Variants in CFAP54 observed in about 807,000 individuals in gnomAD.
CFAP54 encodes cilia- and flagella-associated protein 54.
In CFAP54, 290 loss-of-function variants were observed where a neutral mutation model predicts 370.4. The observed-to-expected ratio is 0.78, with a 90% CI of 0.71 to 0.86. CFAP54 has a LOEUF of 0.86. CFAP54 is among the 40% of genes least tolerant of loss of function. CFAP54 has a pLI of 0.00. For synonymous variants in CFAP54, 1,206 were observed against 1,236.5 expected (o/e 0.98, Z 0.52); for missense variants, 3,399 against 3,528.7 (o/e 0.96, Z 0.93).
intron 32 of CFAP54, among the ~76,000 whole-genome samples, chr12:96,641,427 A>C (rs1481263987): frequency 6.6e-6 from 1 of 152,050 alleles, no homozygotes; most frequent in Non-Finnish European, 1.5e-5. Flanking sequence ...GTCAGGAAAC[A>C]AGAGGTGCTG....
chr12:96,831,948 C>G (rs1404784299), intron 66 of CFAP54, among the ~76,000 whole-genome samples: 9 of 152,150 alleles, frequency 5.9e-5, no homozygotes, highest in African/African-American at 2.2e-4. Context: ...TAAAATCAAG[C>G]TTAAGTCTAA....
chr12:96,802,756 A>C (rs1446641640), intron 63 of CFAP54, among the ~76,000 whole-genome samples: 1 of 152,038 alleles, frequency 6.6e-6, no homozygotes, highest in Non-Finnish European at 1.5e-5. Flanking sequence ...GGTTTGCTGC[A>C]CCTATCAACC....
chr12:96,708,590 C>G lies in CFAP54; in HGVS notation c.6529-18C>G. The stretch of plus-strand genomic sequence containing the variant: ...GTATTTTTCTAATTTGCTCTTTTTC[C>G]TTTTTTCCATTTTTTAGGCAATTGA... On this transcript the variant is annotated intron_variant, in intron 47 of 67. Coordinates refer to ENST00000524981, the MANE Select transcript of CFAP54 (RefSeq NM_001306084.2). 1 of 1,573,916 alleles carries G rather than the reference C, an allele frequency of 6.4e-7. No individual in the cohort carries two copies. Among genetic ancestry groups the G allele is most frequent in the East Asian group, 2.2e-5 (1 of 44,474 alleles).
chr12:96,648,093 A>AT, intron 34 of CFAP54, 76 bp downstream of exon 34: 1 of 1,107,264 alleles, frequency 9.0e-7, no homozygotes, highest in Non-Finnish European at 1.2e-6. Context: ...ACACATACAC[A>AT]TTGTGGACAC....
intron 67 of CFAP54, among the ~76,000 whole-genome samples, chr12:96,869,706 C>T (rs1960099816): frequency 1.3e-5 from 2 of 151,800 alleles, no homozygotes; most frequent in African/African-American, 2.4e-5. Context: ...GAGGCTGAGG[C>T]GGGTGGATCA....
At chr12:96,663,322 C>G (rs922875895) in intron 38 of CFAP54, among the ~76,000 whole-genome samples, 3 of 152,058 alleles carry the variant, frequency 2.0e-5, no homozygotes, top group Admixed American at 2.0e-4. Flanking sequence ...GTCTTGGGCC[C>G]TTTAAAATAA....
chr12:96,655,203 A>G (rs550949165), intron 36 of CFAP54, among the ~76,000 whole-genome samples: 1 of 151,132 alleles, frequency 6.6e-6, no homozygotes, highest in East Asian at 1.9e-4. Context: ...TTTTTTTTCC[A>G]CCAAAGGATT....
intron 26 of CFAP54, among the ~76,000 whole-genome samples, chr12:96,607,275 A>G (rs764685259): frequency 7.9e-5 from 12 of 152,276 alleles, no homozygotes; most frequent in Admixed American, 6.5e-5. Context: ...AGCAAGCCAG[A>G]CACCAAAATC....
chr12:96,644,073 A>T, intron 32 of CFAP54, 105 bp from the exon 33 acceptor site: 1 of 717,624 alleles, frequency 1.4e-6, no homozygotes, highest in African/African-American at 1.8e-5. Context: ...GCATAAGGGC[A>T]GTCAAGTGAC....
chr12:96,774,415 T>C (rs1002060160), intron 60 of CFAP54, among the ~76,000 whole-genome samples: 28 of 152,300 alleles, frequency 1.8e-4, no homozygotes, highest in African/African-American at 6.7e-4. Context: ...ATTCGGAATA[T>C]GTAAAGTGTG....
At chr12:96,523,155 G>A (rs1049870679) in intron 8 of CFAP54, among the ~76,000 whole-genome samples, 38 of 152,282 alleles carry the variant, frequency 2.5e-4, no homozygotes, top group Middle Eastern at 3.4e-3. Flanking sequence ...AAATGAATCT[G>A]GGGGGAAGGA....
intron 60 of CFAP54, among the ~76,000 whole-genome samples, chr12:96,772,780 C>T (rs536109469): frequency 4.7e-4 from 72 of 152,012 alleles, no homozygotes; most frequent in Non-Finnish European, 9.7e-4. Context: ...CAACCATGCC[C>T]GGCTAATTTT....
At chr12:96,811,178 A>C (rs1958924558) in intron 63 of CFAP54, among the ~76,000 whole-genome samples, 1 of 152,190 alleles carries the variant, frequency 6.6e-6, no homozygotes, top group Non-Finnish European at 1.5e-5. Flanking sequence ...TCCATAACTA[A>C]GTAGGTGCTA....
chr12:96,826,057 T>C (rs1282024578), intron 65 of CFAP54, among the ~76,000 whole-genome samples: 1 of 145,028 alleles, frequency 6.9e-6, no homozygotes, highest in Non-Finnish European at 1.5e-5. Context: ...ATTTTATATA[T>C]ACACACACAT....
chr12:96,757,431 C>A, intron 57 of CFAP54, 64 bp from the exon 58 acceptor site: 1 of 898,494 alleles, frequency 1.1e-6, no homozygotes, highest in Non-Finnish European at 1.6e-6. Flanking sequence ...AAATTGTTGG[C>A]AAATGATACC....
intron 65 of CFAP54, among the ~76,000 whole-genome samples, chr12:96,827,964 A>G (rs1454603670): frequency 3.9e-4 from 38 of 96,968 alleles, no homozygotes; most frequent in African/African-American, 1.3e-3. Flanking sequence ...TATATATAAT[A>G]CATAGTAATA....
intron 36 of CFAP54, 81 bp from the exon 37 acceptor site, chr12:96,657,801 T>A: frequency 9.9e-7 from 1 of 1,006,600 alleles, no homozygotes. Context: ...CATGTTACAT[T>A]TTTATTACAT....
chr12:96,576,470 G>T (rs1296089626), intron 19 of CFAP54, 115 bp from the exon 20 acceptor site: 1 of 826,710 alleles, frequency 1.2e-6, no homozygotes, highest in Non-Finnish European at 1.8e-6. Context: ...AGCCTCTGAG[G>T]CTTGAAAAAC....
rs1955190179 is a variant in CFAP54 at position 96,513,003 on chromosome 12, AC to A, written c.759del (p.Ile254PhefsTer5). On this transcript the variant is annotated frameshift_variant, in exon 5 of 68. Coordinates refer to ENST00000524981, the MANE Select transcript of CFAP54 (RefSeq NM_001306084.2). LOFTEE classifies it high-confidence loss of function. ...IIFNGTIYIY[T>X]ICRKLMVIGQ... is the part of the protein sequence containing the mutation. ...CCATCCAGGTACCATTTATATTTACACCATTTGCAGAAAACTGATGGTCATA... is the reference window on the plus strand; with the variant it reads ...CCATCCAGGTACCATTTATATTTACACATTTGCAGAAAACTGATGGTCATA... 1 of 1,517,316 alleles carries A rather than the reference AC, an allele frequency of 6.6e-7. No homozygotes were observed. 94.0% of individuals were successfully genotyped at this position (1,517,316 alleles called of 1,614,324 possible). A position where few individuals can be genotyped will look rare whatever the true frequency, so the allele number is the denominator to read the frequency against.
Sources: allele counts gnomAD v4.1 joint callset (sites outside exome capture counted in the v4.1 genomes callset), GRCh38; gene constraint gnomAD v4.1.1; transcripts MANE v1.5; gene names NCBI Gene and HGNC (gene_info 2026-07-23, HGNC 2026-07-21).